DDA1: variants seen among roughly 807,000 people sequenced by gnomAD.
The protein encoded by DDA1 is DET1- and DDB1-associated protein 1.
A neutral mutation model predicts 18.6 loss-of-function variants in DDA1; 3 were observed. The observed-to-expected ratio is 0.16, with a 90% CI of 0.07 to 0.42. The LOEUF (loss-of-function observed/expected upper bound fraction) is 0.42. DDA1 is among the 10% of genes least tolerant of loss of function. The pLI, the probability that DDA1 is intolerant of heterozygous loss-of-function variation, is 0.99. For missense variants in DDA1, 105 were observed against 138.2 expected, an observed-to-expected ratio of 0.76 and a Z score of 1.20; for synonymous variants, 52 against 54.0, an observed-to-expected ratio of 0.96 and a Z score of 0.17.
Position 17,319,821 on chromosome 19 carries a change from T to C in DDA1, c.*165T>C. On this transcript the variant is annotated 3_prime_UTR_variant, in exon 5 of 5. Transcript: ENST00000359866. ...TAGGAGCCGATGTATTTATTTTCCT[T>C]GAGTTTTTATTTATGCTGTAACCTG... is the stretch of plus-strand genomic sequence containing the variant. 1 of 605,168 alleles carries C rather than the reference T, an allele frequency of 1.7e-6. No individual in the cohort carries two copies. Among genetic ancestry groups the C allele is most frequent in the Non-Finnish European group, 2.9e-6 (1 of 343,458 alleles). 37.5% of individuals were successfully genotyped at this position (605,168 alleles called of 1,614,324 possible). A position where few individuals can be genotyped will look rare whatever the true frequency, so the allele number is the denominator to read the frequency against.
chr19:17,319,513 A>T, intron 4 of DDA1, 33 bp from the exon 5 acceptor site: 1 of 1,462,230 alleles, frequency 6.8e-7, no homozygotes. Context: ...GAAAAAAAAG[A>T]CTCACAGCCC....
intron 1 of DDA1, among the ~76,000 whole-genome samples, chr19:17,312,877 A>G (rs1190759808): frequency 6.8e-6 from 1 of 146,256 alleles, no homozygotes; most frequent in Non-Finnish European, 1.5e-5. Flanking sequence ...GACTTTGAAC[A>G]GGTCCTGGGG....
At chr19:17,315,461 G>C (rs1022364246) in intron 3 of DDA1, among the ~76,000 whole-genome samples, 8 of 73,408 alleles carry the variant, frequency 1.1e-4, no homozygotes, top group Non-Finnish European at 2.1e-4. Context: ...TATATTAGCC[G>C]GGCGTGGTGG....
At chr19:17,317,147 C>T (rs1339985032) in intron 4 of DDA1, among the ~76,000 whole-genome samples, 1 of 152,154 alleles carries the variant, frequency 6.6e-6, no homozygotes, top group African/African-American at 2.4e-5. Flanking sequence ...ATGGCTTGAA[C>T]CTGGGAGGCA....
In DDA1 at chr19:17,321,344, C is replaced by T. The variant is rs146424375; in HGVS notation, c.*1688C>T. The stretch of plus-strand genomic sequence containing the variant: ...ACGGCGTTTTGTCATGTTGGCCAGG[C>T]TGGTCTCGAACTCCTGACCTCAGGT... On this transcript the variant is annotated 3_prime_UTR_variant, in exon 5 of 5. Coordinates refer to ENST00000359866, the MANE Select transcript of DDA1 (RefSeq NM_024050.6). 0.085 allele frequency: 13,011 copies of T among 152,250 alleles called. 645 individuals carry two copies. The highest frequency in any genetic ancestry group is 0.11 in the Non-Finnish European group (7,728 of 68,054). 9.4% of individuals were successfully genotyped at this position (152,250 alleles called of 1,614,324 possible).
At chr19:17,319,465 TG>T in intron 4 of DDA1, 80 bp from the exon 5 acceptor site, 1 of 1,188,438 alleles carries the variant, frequency 8.4e-7, no homozygotes, top group Non-Finnish European at 1.2e-6. Context: ...GAGGCTGAGC[TG>T]GGAGGATTGC....
At chr19:17,315,323 A>G (rs1220998760) in intron 3 of DDA1, among the ~76,000 whole-genome samples, 2 of 109,732 alleles carry the variant, frequency 1.8e-5, no homozygotes, top group Admixed American at 8.3e-5. Context: ...TACACGCTAT[A>G]TATATACACA....
Position 17,317,325 on chromosome 19 carries a change from C to T in DDA1, c.198+1330C>T, listed in dbSNP as rs377766107. ...GAGATCGAGACCATCCTGGCTAACA[C>T]GGTGAAACCCCGTCTCTACTAAAAA... On this transcript the variant is annotated intron_variant, in intron 4 of 4. Coordinates refer to ENST00000359866, the MANE Select transcript of DDA1 (RefSeq NM_024050.6). Among the ~76,000 whole-genome samples, 673 of 152,100 alleles carry T rather than the reference C, an allele frequency of 4.4e-3. 3 individuals are homozygous for T. Among genetic ancestry groups the T allele is most frequent in the African/African-American group, 0.015 (619 of 41,496 alleles).
rs778699851 is a variant in DDA1 at position 17,314,122 on chromosome 19, G to T, written c.84+19G>T. On this transcript the variant is annotated intron_variant, in intron 2 of 4. Coordinates refer to ENST00000359866, the MANE Select transcript of DDA1 (RefSeq NM_024050.6). This position sits in a 1 kb window ranked among gnomAD's most constrained non-coding sequence, Gnocchi z 4.6. Reference sequence around the variant, plus strand: ...AGCCTCGGTGAGTGCGTGTTCCTGGGACTGGGAGGAATTGGTCACTTCCAG... The same window carrying T: ...AGCCTCGGTGAGTGCGTGTTCCTGGTACTGGGAGGAATTGGTCACTTCCAG... 2.6e-5 allele frequency: 42 copies of T among 1,612,994 alleles called. No homozygotes were observed. Among genetic ancestry groups the T allele is most frequent in the Admixed American group, 1.2e-4 (7 of 60,004 alleles).
intron 4 of DDA1, among the ~76,000 whole-genome samples, chr19:17,319,167 C>G (rs1458128877): frequency 6.6e-6 from 1 of 152,160 alleles, no homozygotes; most frequent in East Asian, 1.9e-4. Flanking sequence ...CAGGAAACAC[C>G]TGTCTATCAC....
chr19:17,314,434 C>A lies in DDA1; in HGVS notation c.136+45C>A. 6.2e-7 allele frequency: 1 copy of A among 1,613,188 alleles called. No homozygotes were observed. Among genetic ancestry groups the A allele is most frequent in the Non-Finnish European group, 8.5e-7 (1 of 1,179,196 alleles). On this transcript the variant is annotated intron_variant, in intron 3 of 4. Transcript: ENST00000359866. This position sits in a 1 kb window ranked among gnomAD's most constrained non-coding sequence, Gnocchi z 4.6. ...CTGTCCCATTCTGGCTGCTGAGGGG[C>A]GGGGTTTGGTGACTGCAGCGTGGCA...
Position 17,319,742 on chromosome 19 carries a change from C to A in DDA1, c.*86C>A. ...CCGCCATGTGTAAGCACCCCGCCCG[C>A]CCGCCTCCCTGCCGGCCCATCCACA... On this transcript the variant is annotated 3_prime_UTR_variant, in exon 5 of 5. Coordinates refer to ENST00000359866, the MANE Select transcript of DDA1 (RefSeq NM_024050.6). 8.2e-7 allele frequency: 1 copy of A among 1,222,660 alleles called. No homozygotes were observed. The highest frequency in any genetic ancestry group is 1.2e-6 in the Non-Finnish European group (1 of 865,302). The allele number at this position is 1,222,660 out of a possible 1,614,324, so 75.7% of individuals were successfully genotyped here.
Position 17,309,595 on chromosome 19 carries a change from C to CT in DDA1, c.-59dup. On this transcript the variant is annotated 5_prime_UTR_variant, in exon 1 of 5. Transcript: ENST00000359866. Reference sequence around the variant, plus strand: ...TGTGAGGCGGCGGCTAAGAAGGCGGCTCTGGTGGCGGCGGTGGAGGCTGAG... The same window carrying CT: ...TGTGAGGCGGCGGCTAAGAAGGCGGCTTCTGGTGGCGGCGGTGGAGGCTGAG... The CT allele has an allele frequency of 6.3e-7, 1 of 1,580,264 alleles. No individual in the cohort carries two copies. The highest frequency in any genetic ancestry group is 1.1e-5 in the South Asian group (1 of 89,998).
At chr19:17,319,051 G>A (rs1452371064) in intron 4 of DDA1, among the ~76,000 whole-genome samples, 2 of 152,176 alleles carry the variant, frequency 1.3e-5, no homozygotes, top group Non-Finnish European at 2.9e-5. Flanking sequence ...ATCCCCAGTG[G>A]CTTCCAAAGG....
intron 3 of DDA1, among the ~76,000 whole-genome samples, chr19:17,315,503 G>A (rs1475332356): frequency 6.9e-6 from 1 of 145,162 alleles, no homozygotes; most frequent in African/African-American, 2.6e-5. Flanking sequence ...GGGAAAATCA[G>A]TTGAGCCCAG....
intron 4 of DDA1, among the ~76,000 whole-genome samples, chr19:17,317,754 G>A (rs999832612): frequency 1.3e-5 from 2 of 150,658 alleles, no homozygotes; most frequent in East Asian, 1.9e-4. Flanking sequence ...TGGGAGGATC[G>A]CTTGAGCCCA....
At position 17,309,728 on chromosome 19, in the gene DDA1, A is replaced by G; in HGVS notation, c.3+71A>G. The G allele has an allele frequency of 2.5e-6, 4 of 1,579,342 alleles. No individual in the cohort carries two copies. In the South Asian group the frequency reaches 4.6e-5, roughly 18 times the overall value. On this transcript the variant is annotated intron_variant, in intron 1 of 4. Coordinates refer to ENST00000359866, the MANE Select transcript of DDA1 (RefSeq NM_024050.6). ...TGGCGCTGTGGTCCCACCCACCTCT[A>G]GTATCCCCCTAGGCCCCTCTCCGTT... is the stretch of plus-strand genomic sequence containing the variant.
intron 1 of DDA1, among the ~76,000 whole-genome samples, chr19:17,312,688 T>C (rs1375897451): frequency 6.6e-6 from 1 of 152,178 alleles, no homozygotes; most frequent in Non-Finnish European, 1.5e-5. Flanking sequence ...TCCTGTGCAC[T>C]GTGCAGCTCT....
chr19:17,314,150 G>A lies in DDA1; in HGVS notation c.84+47G>A, dbSNP rs1179384320. ...TGGGAGGAATTGGTCACTTCCAGGG[G>A]GCCTGGGGGCAGCTTGTGTCCCCCG... On this transcript the variant is annotated intron_variant, in intron 2 of 4. Coordinates refer to ENST00000359866, the MANE Select transcript of DDA1 (RefSeq NM_024050.6). This position sits in a 1 kb window ranked among gnomAD's most constrained non-coding sequence, Gnocchi z 4.6. 1 of 1,598,400 alleles carries A rather than the reference G, an allele frequency of 6.3e-7. No individual in the cohort carries two copies. The highest frequency in any genetic ancestry group is 1.7e-5 in the Admixed American group (1 of 59,888).
Sources: gnomAD v4.1 joint callset for allele counts (sites outside exome capture counted in the v4.1 genomes callset) on GRCh38, gnomAD v4.1.1 for gene constraint, Gnocchi (gnomAD v3.1) non-coding constraint, MANE v1.5 for transcripts, NCBI Gene and HGNC (gene_info 2026-07-23, HGNC 2026-07-21) for gene names.